TFCP2L1: variants seen among roughly 807,000 people sequenced by gnomAD.
TFCP2L1 encodes the protein transcription factor CP2 like 1, also known as transcription factor CP2-like protein 1.
Under a neutral mutation model 72.2 loss-of-function variants are expected in TFCP2L1, and 12 were observed. That is an observed-to-expected ratio of 0.17 (90% CI 0.11 to 0.27). The LOEUF (loss-of-function observed/expected upper bound fraction) is 0.27. Among genes scored for constraint, TFCP2L1 ranks in the 10% least tolerant of loss-of-function variants. The pLI is 1.00. For missense variants in TFCP2L1, 488 were observed against 624.6 expected (o/e 0.78, Z 2.33); for synonymous variants, 260 against 251.0 (o/e 1.04, Z -0.34).
intron 2 of TFCP2L1, among the ~76,000 whole-genome samples, chr2:121,271,200 T>TAAAAAAA (rs70954542): frequency 7.7e-6 from 1 of 129,954 alleles, no homozygotes. Context: ...AAAATAAAAA[T>TAAAAAAA]AAAAAAAAAA....
intron 2 of TFCP2L1, among the ~76,000 whole-genome samples, chr2:121,276,521 T>C (rs1217925113): frequency 2.0e-5 from 3 of 151,522 alleles, no homozygotes; most frequent in African/African-American, 4.9e-5. Context: ...TAGTCCCAGC[T>C]ACTCAGGAGG....
At chr2:121,236,424 G>A (rs1686250506) in intron 10 of TFCP2L1, among the ~76,000 whole-genome samples, 3 of 152,174 alleles carry the variant, frequency 2.0e-5, no homozygotes, top group African/African-American at 7.2e-5. Flanking sequence ...GGGGACAGAA[G>A]TGAGCACAGC....
chr2:121,248,066 C>T, intron 5 of TFCP2L1, 98 bp downstream of exon 5: 2 of 957,440 alleles, frequency 2.1e-6, no homozygotes, highest in South Asian at 1.6e-5. Flanking sequence ...AGCAGAAGCT[C>T]ATCCAGACCC....
chr2:121,234,190 C>G lies in TFCP2L1; in HGVS notation c.1099G>C (p.Val367Leu). The change falls in exon 12 of 15, where the codon GTG becomes CTG. Residue 367 changes from valine to leucine, a missense_variant. By Grantham distance (32) the Val-to-Leu change is conservative. Transcript: ENST00000263707. ...ACATAAATGGTCATCTTTGGCCTCA[C>G]ATTCCTGGCAGGAGAAGAGAAAATA... ...RLFNAIKGRN[V>L]RPKMTIYVCQ... is the part of the protein sequence containing the mutation. 6.2e-7 allele frequency: 1 copy of G among 1,614,124 alleles called. No homozygotes were observed. The highest frequency in any genetic ancestry group is 8.5e-7 in the Non-Finnish European group (1 of 1,179,958).
chr2:121,279,397 C>T (rs1005961284), intron 2 of TFCP2L1, among the ~76,000 whole-genome samples: 6 of 152,162 alleles, frequency 3.9e-5, no homozygotes, highest in Admixed American at 3.3e-4. Context: ...GGCCACCGTC[C>T]GCTGCAGATG....
At position 121,269,918 on chromosome 2, in the gene TFCP2L1, A is replaced by AAAAAAAAAAAAAAT; in HGVS notation, c.214+11201_214+11202insATTTTTTTTTTTTT. 1.2e-3 allele frequency among the ~76,000 whole-genome samples: 140 copies of AAAAAAAAAAAAAAT among 115,150 alleles called. 4 individuals are homozygous for AAAAAAAAAAAAAAT. Among genetic ancestry groups the AAAAAAAAAAAAAAT allele is most frequent in the East Asian group, 4.5e-3 (12 of 2,642 alleles). The allele number at this position is 115,150 out of a possible 152,430, so 75.5% of individuals were successfully genotyped here. On this transcript the variant is annotated intron_variant, in intron 2 of 14. Coordinates refer to ENST00000263707, the MANE Select transcript of TFCP2L1 (RefSeq NM_014553.3). Reference sequence around the variant, plus strand: ...AGCAAGACTCCATCTAAAAAAAAAAAATATATATATATATATATGCAAAAG... The same window carrying AAAAAAAAAAAAAAT: ...AGCAAGACTCCATCTAAAAAAAAAAAAAAAAAAAAAAAATATATATATATATATATATGCAAAAG...
chr2:121,284,666 C>G (rs2104778431), intron 1 of TFCP2L1, among the ~76,000 whole-genome samples: 1 of 152,328 alleles, frequency 6.6e-6, no homozygotes, highest in South Asian at 2.1e-4. Flanking sequence ...GGGCCGGGCA[C>G]CAGGCTGCTG....
chr2:121,280,785 G>A (rs914673011), intron 2 of TFCP2L1, among the ~76,000 whole-genome samples: 8 of 67,954 alleles, frequency 1.2e-4, no homozygotes, highest in African/African-American at 2.7e-4. Flanking sequence ...AAAAAAAAAA[G>A]AAAGAAAGAA....
chr2:121,272,738 C>T (rs1483628190), intron 2 of TFCP2L1, among the ~76,000 whole-genome samples: 4 of 152,150 alleles, frequency 2.6e-5, no homozygotes, highest in Non-Finnish European at 5.9e-5. Flanking sequence ...TTGCTATGTG[C>T]CCGGCATTTC....
At chr2:121,257,449 C>T (rs1686750629) in intron 2 of TFCP2L1, among the ~76,000 whole-genome samples, 1 of 152,218 alleles carries the variant, frequency 6.6e-6, no homozygotes, top group African/African-American at 2.4e-5. Flanking sequence ...CTTCTTACCC[C>T]AATCTTAACA....
At chr2:121,252,718 C>T (rs1489001022) in intron 2 of TFCP2L1, among the ~76,000 whole-genome samples, 4 of 152,136 alleles carry the variant, frequency 2.6e-5, no homozygotes, top group Non-Finnish European at 5.9e-5. Flanking sequence ...ATAACCCTGC[C>T]GAATTTCCGA....
chr2:121,254,863 G>A (rs1274372533), intron 2 of TFCP2L1, among the ~76,000 whole-genome samples: 7 of 151,926 alleles, frequency 4.6e-5, no homozygotes, highest in Admixed American at 2.0e-4. Flanking sequence ...AGGGGGAGGA[G>A]TGCCTCTAGG....
intron 8 of TFCP2L1, 33 bp from the exon 9 acceptor site, chr2:121,237,883 AG>A (rs778809356): frequency 1.9e-6 from 3 of 1,612,588 alleles, no homozygotes; most frequent in African/African-American, 1.3e-5. Context: ...ATGAGGACAG[AG>A]GGGGCTCCCA....
chr2:121,259,283 C>CAA (rs112843070), intron 2 of TFCP2L1, among the ~76,000 whole-genome samples: 3 of 123,270 alleles, frequency 2.4e-5, no homozygotes, highest in Non-Finnish European at 5.2e-5. Flanking sequence ...AACTCTGTCT[C>CAA]AAAAAAAAAA....
chr2:121,239,670 C>G (rs950973567), intron 7 of TFCP2L1, 21 bp from the exon 8 acceptor site: 10 of 1,608,722 alleles, frequency 6.2e-6, no homozygotes, highest in Non-Finnish European at 6.8e-6. Context: ...GAGCACAGGG[C>G]GAGCTGGGAT....
chr2:121,276,838 T>G (rs1687157437), intron 2 of TFCP2L1, among the ~76,000 whole-genome samples: 4 of 151,950 alleles, frequency 2.6e-5, no homozygotes, highest in Admixed American at 2.0e-4. Context: ...CTCAGCTAAT[T>G]GATTTTGAGA....
chr2:121,225,440 G>C, intron 14 of TFCP2L1, 122 bp downstream of exon 14: 1 of 940,620 alleles, frequency 1.1e-6, no homozygotes, highest in African/African-American at 1.6e-5. Context: ...CGGAGAGTTT[G>C]TGCTTTCTTT....
rs1034079615 is a variant in TFCP2L1, at chr2:121,249,141, C to G, written c.292-54G>C. 1.1e-5 allele frequency: 15 copies of G among 1,344,352 alleles called. No homozygotes were observed. In the East Asian group the frequency reaches 3.8e-4, roughly 34 times the overall value. The allele number at this position is 1,344,352 out of a possible 1,614,324, so 83.3% of individuals were successfully genotyped here. A position where few individuals can be genotyped will look rare whatever the true frequency, so the allele number is the denominator to read the frequency against. On this transcript the variant is annotated intron_variant, in intron 3 of 14. Coordinates refer to ENST00000263707, the MANE Select transcript of TFCP2L1 (RefSeq NM_014553.3). ...GTGACCGCGGGGGGCCAAGAGGAAC[C>G]CACCTCTTTTCCCTGAGCCACAGTA...
At chr2:121,244,322 C>A (rs1686437341) in intron 6 of TFCP2L1, among the ~76,000 whole-genome samples, 1 of 152,234 alleles carries the variant, frequency 6.6e-6, no homozygotes, top group Non-Finnish European at 1.5e-5. Context: ...ACAAGCCAGG[C>A]TTCCCAGTAA....
Sources: gnomAD v4.1 joint callset for allele counts (sites outside exome capture counted in the v4.1 genomes callset) on GRCh38, gnomAD v4.1.1 for gene constraint, MANE v1.5 for transcripts, NCBI Gene and HGNC (gene_info 2026-07-23, HGNC 2026-07-21) for gene names.